Variants in GRIN1 observed in about 807,000 individuals in gnomAD.
GRIN1 encodes glutamate ionotropic receptor NMDA type subunit 1, also known as glutamate receptor ionotropic, NMDA 1.
A neutral mutation model predicts 103.0 loss-of-function variants in GRIN1; 38 were observed. The observed-to-expected ratio is 0.37, with a 90% CI of 0.28 to 0.48. The LOEUF is 0.48. Among genes scored for constraint, GRIN1 ranks in the 20% least tolerant of loss-of-function variants. The pLI is 0.98. For missense variants in GRIN1, 577 were observed against 1,288.9 expected (o/e 0.45, Z 8.46); for synonymous variants, 544 against 532.7 (o/e 1.02, Z -0.29).
At chr9:137,158,860 C>T (rs1833379472) in intron 8 of GRIN1, 156 bp downstream of exon 8, 6 of 667,272 alleles carry the variant, frequency 9.0e-6, no homozygotes, top group Admixed American at 6.5e-5. Flanking sequence ...GCACACCTGG[C>T]ACAGCACAGG....
At chr9:137,148,051 C>G in intron 3 of GRIN1, 1 of 750,834 alleles carries the variant, frequency 1.3e-6, no homozygotes, top group Non-Finnish European at 2.2e-6. Flanking sequence ...CGTCTGCAGA[C>G]GTGCCGAGGA....
chr9:137,165,551 A>C, intron 19 of GRIN1: 14 of 512,926 alleles, frequency 2.7e-5, no homozygotes, highest in Non-Finnish European at 4.3e-5. Flanking sequence ...CCCTGCCATG[A>C]CCCACACGCC....
At chr9:137,149,705 A>T (rs1588701976) in intron 4 of GRIN1, among the ~76,000 whole-genome samples, 1 of 152,190 alleles carries the variant, frequency 6.6e-6, no homozygotes, top group Non-Finnish European at 1.5e-5. Flanking sequence ...GGGAAGGAAA[A>T]GCCTGGGTGA....
chr9:137,154,553 A>G (rs996058373), intron 4 of GRIN1, among the ~76,000 whole-genome samples: 42 of 143,498 alleles, frequency 2.9e-4, no homozygotes, highest in African/African-American at 1.1e-3. Context: ...TCCCAGATTC[A>G]ACCGATTCTC....
intron 8 of GRIN1, among the ~76,000 whole-genome samples, chr9:137,160,656 T>TC (rs1378906402): frequency 6.6e-6 from 1 of 152,174 alleles, no homozygotes; most frequent in African/African-American, 2.4e-5. Context: ...GGTCTCGATC[T>TC]CCTGACCTCG....
In GRIN1 at chr9:137,141,889, C is replaced by T. The variant is rs117363512; in HGVS notation, c.259-124C>T. Reference sequence around the variant, plus strand: ...TGGGCCTGGGCATGTAGCATGTACCCGAATCATGCCCCCAGCCCCCCTTAG... The same window carrying T: ...TGGGCCTGGGCATGTAGCATGTACCTGAATCATGCCCCCAGCCCCCCTTAG... On this transcript the variant is annotated intron_variant, in intron 1 of 19. Transcript: ENST00000371561. The T allele has an allele frequency of 1.4e-4, 144 of 1,030,420 alleles. 1 individual carries two copies. In the East Asian group the frequency reaches 2.3e-3, roughly 16 times the overall value. The allele number at this position is 1,030,420 out of a possible 1,614,324, so 63.8% of individuals were successfully genotyped here. A position where few individuals can be genotyped will look rare whatever the true frequency, so the allele number is the denominator to read the frequency against.
rs765555126 is a variant in GRIN1, at chr9:137,162,807, G to A, written c.2014-39G>A. 4 of 1,608,048 alleles carry A rather than the reference G, an allele frequency of 2.5e-6. 1 individual carries two copies. In the South Asian group the frequency reaches 4.4e-5, roughly 18 times the overall value. On this transcript the variant is annotated intron_variant, in intron 14 of 19. Coordinates refer to ENST00000371561, the MANE Select transcript of GRIN1 (RefSeq NM_007327.4). ...GGGGTCGGCCTCGGTTAGGGGCCTG[G>A]GGAGCCGCCGCCGCGATCCCTGCCC...
In GRIN1 at chr9:137,139,583, C is replaced by G. The variant is rs1278963684; in HGVS notation, c.97C>G (p.Leu33Val). ...CAAGATCGTCAACATTGGCGCGGTG[C>G]TGAGCACGCGGAAGCACGAGCAGAT... ...DPKIVNIGAV[L>V]STRKHEQMFR... The change falls in exon 1 of 20, where the codon CTG becomes GTG. Residue 33 changes from leucine to valine, a missense_variant. This residue lies in a region of GRIN1 where 308 missense variants were observed against 553.6 expected (regional missense o/e 0.56). Coordinates refer to ENST00000371561, the MANE Select transcript of GRIN1 (RefSeq NM_007327.4). This position sits in a 1 kb window ranked among gnomAD's most constrained non-coding sequence, Gnocchi z 7.7. 6.2e-7 allele frequency: 1 copy of G among 1,613,428 alleles called. No individual in the cohort carries two copies. The highest frequency in any genetic ancestry group is 8.5e-7 in the Non-Finnish European group (1 of 1,179,944).
At chr9:137,159,820 G>A (rs546818196) in intron 8 of GRIN1, among the ~76,000 whole-genome samples, 26 of 152,338 alleles carry the variant, frequency 1.7e-4, no homozygotes, top group African/African-American at 6.0e-4. Context: ...CTGAGGGTGG[G>A]CGGGCCTGCC....
intron 8 of GRIN1, 86 bp from the exon 9 acceptor site, chr9:137,160,970 C>T: frequency 6.4e-7 from 1 of 1,567,496 alleles, no homozygotes; most frequent in South Asian, 1.1e-5. Flanking sequence ...AGAGGGGCGC[C>T]AGGGGAGGCT....
At chr9:137,143,472 C>T (rs1304307019) in intron 2 of GRIN1, among the ~76,000 whole-genome samples, 1 of 152,234 alleles carries the variant, frequency 6.6e-6, no homozygotes, top group Non-Finnish European at 1.5e-5. Flanking sequence ...AGTTTCCTCA[C>T]ATGTGAAGGA....
chr9:137,156,910 A>C lies in GRIN1; in HGVS notation c.841A>C (p.Ile281Leu), dbSNP rs1833259431. 6.2e-7 allele frequency: 1 copy of C among 1,612,250 alleles called. No homozygotes were observed. The highest frequency in any genetic ancestry group is 8.5e-7 in the Non-Finnish European group (1 of 1,179,792). Reference sequence around the variant, plus strand: ...CAACGGCAAGAACGAGTCGGCCCACATCAGCGACGCCGTGGGCGTGGTGGC... The same window carrying C: ...CAACGGCAAGAACGAGTCGGCCCACCTCAGCGACGCCGTGGGCGTGGTGGC... Reference protein sequence around the residue: ...LINGKNESAHISDAVGVVAQA... With the variant: ...LINGKNESAHLSDAVGVVAQA... Residue 281 changes from isoleucine to leucine, a missense_variant, in exon 6 of 20, where the codon ATC (isoleucine) becomes CTC (leucine). This residue lies in a region of GRIN1 where 308 missense variants were observed against 553.6 expected (regional missense o/e 0.56). Transcript: ENST00000371561.
intron 1 of GRIN1, among the ~76,000 whole-genome samples, chr9:137,140,783 G>A (rs1832126134): frequency 1.3e-5 from 2 of 152,228 alleles, no homozygotes; most frequent in African/African-American, 4.8e-5. Context: ...CGGACCTACG[G>A]GTCTTTGCCA....
intron 8 of GRIN1, 47 bp from the exon 9 acceptor site, chr9:137,161,009 G>A: frequency 6.2e-7 from 1 of 1,611,046 alleles, no homozygotes; most frequent in Non-Finnish European, 8.5e-7. Flanking sequence ...GCCGCCCTGG[G>A]CAGCCTTAGG....
At chr9:137,161,850 C>T in intron 10 of GRIN1, 74 bp from the exon 11 acceptor site, 1 of 1,479,302 alleles carries the variant, frequency 6.8e-7, no homozygotes, top group African/African-American at 1.4e-5. Context: ...TCTAGGGCGG[C>T]TTCAGTCGGG....
intron 4 of GRIN1, among the ~76,000 whole-genome samples, chr9:137,149,389 G>A (rs989449242): frequency 2.0e-5 from 3 of 152,220 alleles, no homozygotes; most frequent in Non-Finnish European, 4.4e-5. Flanking sequence ...GGATATGGAA[G>A]AGACCCTGCC....
chr9:137,154,493 A>T (rs1449234769), intron 4 of GRIN1, among the ~76,000 whole-genome samples: 1 of 110,172 alleles, frequency 9.1e-6, no homozygotes, highest in Non-Finnish European at 1.7e-5. Context: ...TCACTCTGTC[A>T]CCCAGGCTGG....
chr9:137,144,752 A>G (rs1297245575), intron 2 of GRIN1, among the ~76,000 whole-genome samples: 15 of 94,186 alleles, frequency 1.6e-4, no homozygotes, highest in Middle Eastern at 6.3e-3. Context: ...GAGTGAGAGG[A>G]AGGGGGTCCC....
At chr9:137,157,980 C>T (rs1833329303) in intron 6 of GRIN1, among the ~76,000 whole-genome samples, 1 of 152,250 alleles carries the variant, frequency 6.6e-6, no homozygotes, top group Non-Finnish European at 1.5e-5. Context: ...ACAGGACAGC[C>T]TGGTGGTTAG....
Sources: allele counts gnomAD v4.1 joint callset (sites outside exome capture counted in the v4.1 genomes callset), GRCh38; gene constraint gnomAD v4.1.1; regional missense constraint gnomAD v4.1.1; non-coding constraint Gnocchi (gnomAD v3.1); transcripts MANE v1.5; gene names NCBI Gene and HGNC (gene_info 2026-07-23, HGNC 2026-07-21).